KAZN: variants seen among roughly 807,000 people sequenced by gnomAD.
KAZN encodes kazrin.
Under a neutral mutation model 87.4 loss-of-function variants are expected in KAZN, and 40 were observed. That is an observed-to-expected ratio of 0.46 (90% CI 0.36 to 0.60). The LOEUF is 0.60. Among genes scored for constraint, KAZN ranks in the 20% least tolerant of loss-of-function variants. KAZN has a pLI of 0.00. For synonymous variants in KAZN, 466 were observed against 458.3 expected (o/e 1.02, Z -0.22); for missense variants, 898 against 1,073.9 (o/e 0.84, Z 2.29).
At position 14,098,318 on chromosome 1, in the gene KAZN, C is replaced by G. The variant is rs531414354; in HGVS notation, c.92-82117C>G. ...GCTTGAGGGCATCTGCCACTGAAAG[C>G]CTCTTCCAAACAAAGCAGGGTTTTT... On this transcript the variant is annotated intron_variant, in intron 1 of 16. Coordinates refer to the KAZN transcript ENST00000636203. 1.4e-4 allele frequency among the ~76,000 whole-genome samples: 21 copies of G among 151,244 alleles called. 1 individual carries two copies. Among genetic ancestry groups the G allele is most frequent in the African/African-American group, 5.1e-4 (21 of 41,502 alleles).
intron 1 of KAZN, among the ~76,000 whole-genome samples, chr1:14,066,230 T>G (rs1643003912): frequency 6.6e-6 from 1 of 152,244 alleles, no homozygotes; most frequent in African/African-American, 2.4e-5. Context: ...TTGTGGGCCC[T>G]TAGGTTGGTT....
intron 2 of KAZN, among the ~76,000 whole-genome samples, chr1:14,542,465 GTA>G (rs1320874108): frequency 7.2e-5 from 11 of 152,096 alleles, no homozygotes; most frequent in African/African-American, 2.7e-4. Flanking sequence ...AAGAACTAGG[GTA>G]TAACAACTAC....
At chr1:13,931,011 C>T (rs1020210799) in intron 1 of KAZN, among the ~76,000 whole-genome samples, 16 of 152,190 alleles carry the variant, frequency 1.1e-4, no homozygotes, top group African/African-American at 3.9e-4. Context: ...ACAAGTCTGT[C>T]TTATGTGTCT....
chr1:14,664,707 G>A (rs1010260638), intron 1 of KAZN, among the ~76,000 whole-genome samples: 2 of 149,320 alleles, frequency 1.3e-5, no homozygotes, highest in African/African-American at 5.0e-5. Flanking sequence ...AGGCTGGAGT[G>A]CATTGGTGTG....
chr1:14,729,199 G>A (rs1048921027), intron 1 of KAZN, among the ~76,000 whole-genome samples: 1 of 152,150 alleles, frequency 6.6e-6, no homozygotes, highest in Non-Finnish European at 1.5e-5. Context: ...AAACGAGGAG[G>A]GACAGCAAAG....
intron 1 of KAZN, among the ~76,000 whole-genome samples, chr1:13,911,142 G>C (rs12753771): frequency 0.19 from 29,289 of 152,068 alleles, 3,310 homozygotes; most frequent in Non-Finnish European, 0.26. Context: ...TCCACCTCCC[G>C]GGTTCAAGCA....
chr1:15,072,750 G>C (rs1639569188), intron 8 of KAZN, among the ~76,000 whole-genome samples: 1 of 152,166 alleles, frequency 6.6e-6, no homozygotes, highest in Admixed American at 6.5e-5. Context: ...GTGGAACTGG[G>C]ATTCACCTCT....
chr1:13,919,929 G>A (rs1190382936), intron 1 of KAZN, among the ~76,000 whole-genome samples: 1 of 152,080 alleles, frequency 6.6e-6, no homozygotes, highest in Non-Finnish European at 1.5e-5. Context: ...TAATTTTTGT[G>A]TATGGTGTGA....
At chr1:14,108,432 A>G (rs1242285370) in intron 1 of KAZN, among the ~76,000 whole-genome samples, 1 of 152,174 alleles carries the variant, frequency 6.6e-6, no homozygotes. Context: ...AATGCCTGGC[A>G]CATAGCAGAC....
At position 14,978,166 on chromosome 1, in the gene KAZN, CCT is replaced by C. The variant is rs1157324232; in HGVS notation, c.418+17294_418+17295del. Among the ~76,000 whole-genome samples the C allele has an allele frequency of 6.6e-5, 10 of 150,652 alleles. No individual in the cohort carries two copies. In the East Asian group the frequency reaches 1.9e-3, roughly 29 times the overall value. ...AGCTGGGGCTGGTTCTTGCTAAAGA[CCT>C]CTTTCTTTCCTTGGGCACATGCTTG... On this transcript the variant is annotated intron_variant, in intron 2 of 14. Coordinates refer to ENST00000376030, the MANE Select transcript of KAZN (RefSeq NM_201628.3).
At chr1:14,560,141 C>T (rs554906996) in intron 2 of KAZN, among the ~76,000 whole-genome samples, 1 of 152,224 alleles carries the variant, frequency 6.6e-6, no homozygotes, top group South Asian at 2.1e-4. Flanking sequence ...AAGAAGGTGG[C>T]CACCCCATAT....
At chr1:14,989,338 T>C (rs1667131420) in intron 2 of KAZN, among the ~76,000 whole-genome samples, 2 of 146,214 alleles carry the variant, frequency 1.4e-5, no homozygotes, top group South Asian at 2.1e-4. Flanking sequence ...TAGCCAGGTT[T>C]GGTGGTGCAC....
At position 14,960,639 on chromosome 1, in the gene KAZN, G is replaced by A. The variant is rs112565658; in HGVS notation, c.227-45G>A. ...CCATCCCCAGAAAATGCGAGTGAGCGGCAGAGACGTTCCTGTCCTCTAACC... is the reference window on the plus strand; with the variant it reads ...CCATCCCCAGAAAATGCGAGTGAGCAGCAGAGACGTTCCTGTCCTCTAACC... On this transcript the variant is annotated intron_variant, in intron 1 of 14. Coordinates refer to ENST00000376030, the MANE Select transcript of KAZN (RefSeq NM_201628.3). 9,441 of 1,532,342 alleles carry A rather than the reference G, an allele frequency of 6.2e-3. 46 individuals are homozygous for A. The highest frequency in any genetic ancestry group is 0.014 in the South Asian group (1,098 of 81,204). 94.9% of individuals were successfully genotyped at this position (1,532,342 alleles called of 1,614,324 possible).
Position 14,069,362 on chromosome 1 carries a change from C to T in KAZN, c.92-111073C>T, listed in dbSNP as rs147606301. ...TGGAATGACACCTTCTACACAACCG[C>T]GATTATCAAGTCGGGGAGGAGAGTG... On this transcript the variant is annotated intron_variant, in intron 1 of 16. Transcript: ENST00000636203. Among the ~76,000 whole-genome samples, 531 of 152,240 alleles carry T rather than the reference C, an allele frequency of 3.5e-3. 4 individuals are homozygous for T. Among genetic ancestry groups the T allele is most frequent in the South Asian group, 0.021 (102 of 4,814 alleles).
intron 2 of KAZN, among the ~76,000 whole-genome samples, chr1:14,318,317 G>T (rs927023911): frequency 9.2e-5 from 14 of 151,854 alleles, no homozygotes; most frequent in African/African-American, 3.4e-4. Context: ...ATATATTTTT[G>T]CTGGCTCTAG....
chr1:14,818,444 G>A (rs922348260), intron 1 of KAZN, among the ~76,000 whole-genome samples: 1 of 152,210 alleles, frequency 6.6e-6, no homozygotes, highest in African/African-American at 2.4e-5. Context: ...GCAGGGAGGC[G>A]ATACCACCTC....
In KAZN at chr1:15,097,856, A is replaced by G. The variant is rs531185013; in HGVS notation, c.1547+2923A>G. ...GGAGAAAATTAGATGCAGAGAAATC[A>G]TGAGCATAAAGTCACACTACAAAAA... On this transcript the variant is annotated intron_variant, in intron 10 of 14. Coordinates refer to ENST00000376030, the MANE Select transcript of KAZN (RefSeq NM_201628.3). Among the ~76,000 whole-genome samples, 6 of 152,342 alleles carry G rather than the reference A, an allele frequency of 3.9e-5. No individual in the cohort carries two copies. In the South Asian group the frequency reaches 1.2e-3, roughly 32 times the overall value.
chr1:14,016,735 C>T (rs1335784369), intron 1 of KAZN, among the ~76,000 whole-genome samples: 2 of 152,090 alleles, frequency 1.3e-5, no homozygotes, highest in African/African-American at 2.4e-5. Flanking sequence ...CCATTAGCTT[C>T]TCAAGAGCTG....
At chr1:14,100,931 G>A (rs1343934076) in intron 1 of KAZN, among the ~76,000 whole-genome samples, 1 of 151,778 alleles carries the variant, frequency 6.6e-6, no homozygotes, top group Non-Finnish European at 1.5e-5. Flanking sequence ...TTTAAAAATG[G>A]GAGTTTCCCT....
Sources: allele counts gnomAD v4.1 joint callset (sites outside exome capture counted in the v4.1 genomes callset), GRCh38; gene constraint gnomAD v4.1.1; transcripts MANE v1.5; gene names NCBI Gene and HGNC (gene_info 2026-07-23, HGNC 2026-07-21).